Variants in DCC observed in about 807,000 individuals in gnomAD.
The protein encoded by DCC is DCC netrin 1 receptor, also known as netrin receptor DCC.
In DCC, 58 loss-of-function variants were observed where a neutral mutation model predicts 172.5. The observed-to-expected ratio is 0.34, with a 90% CI of 0.27 to 0.42. The LOEUF is 0.42. Ranked by LOEUF, DCC falls within the 10% of genes least tolerant of loss-of-function variation. The pLI, the probability that DCC is intolerant of heterozygous loss-of-function variation, is 1.00. For synonymous variants in DCC, 709 were observed against 644.5 expected (o/e 1.10, Z -1.52); for missense variants, 1,740 against 1,791.0 (o/e 0.97, Z 0.51).
chr18:53,478,468 T>C (rs1476696623), intron 25 of DCC, among the ~76,000 whole-genome samples: 3 of 152,204 alleles, frequency 2.0e-5, no homozygotes, highest in African/African-American at 7.2e-5. Context: ...GCAGATTAGC[T>C]GTAAGATCAT....
intron 5 of DCC, among the ~76,000 whole-genome samples, chr18:53,031,345 C>A (rs1274401513): frequency 1.3e-5 from 2 of 152,114 alleles, no homozygotes; most frequent in African/African-American, 4.8e-5. Context: ...ATATTGCAGT[C>A]TTGTTGCATT....
intron 15 of DCC, among the ~76,000 whole-genome samples, chr18:53,370,821 T>C (rs2144956487): frequency 6.6e-6 from 1 of 151,992 alleles, no homozygotes; most frequent in Middle Eastern, 3.4e-3. Context: ...GCTGTTGTTG[T>C]TAGAGTGTTC....
chr18:52,835,284 A>G (rs1488643120), intron 2 of DCC, among the ~76,000 whole-genome samples: 3 of 150,880 alleles, frequency 2.0e-5, no homozygotes, highest in Non-Finnish European at 4.4e-5. Context: ...TCCAAACACA[A>G]GAATAATTCA....
chr18:52,642,579 C>T (rs953784188), intron 1 of DCC, among the ~76,000 whole-genome samples: 5 of 151,808 alleles, frequency 3.3e-5, no homozygotes, highest in African/African-American at 4.8e-5. Context: ...AAATATGGCA[C>T]TCAGGAAATA....
chr18:53,151,299 C>G (rs1173851658), intron 7 of DCC, among the ~76,000 whole-genome samples: 2 of 152,176 alleles, frequency 1.3e-5, no homozygotes, highest in African/African-American at 4.8e-5. Flanking sequence ...TCTACCCAAA[C>G]TCTAGAATGG....
At chr18:53,377,704 GAGGT>G (rs958632985) in intron 15 of DCC, among the ~76,000 whole-genome samples, 8 of 152,206 alleles carry the variant, frequency 5.3e-5, no homozygotes, top group African/African-American at 1.7e-4. Context: ...TAAGGGATGG[GAGGT>G]AGTTAAAAGG....
intron 5 of DCC, among the ~76,000 whole-genome samples, chr18:53,032,509 T>C (rs2042039603): frequency 1.3e-5 from 2 of 152,200 alleles, no homozygotes; most frequent in Non-Finnish European, 2.9e-5. Flanking sequence ...TTTAGGTGCA[T>C]TGTCTTTCAT....
chr18:53,514,347 C>G (rs551982620), intron 27 of DCC, among the ~76,000 whole-genome samples: 1 of 152,124 alleles, frequency 6.6e-6, no homozygotes, highest in African/African-American at 2.4e-5. Context: ...CAAGAGAGAG[C>G]AGGAAAGATC....
intron 1 of DCC, among the ~76,000 whole-genome samples, chr18:52,579,423 G>T (rs773468538): frequency 1.3e-5 from 2 of 152,178 alleles, no homozygotes; most frequent in Non-Finnish European, 2.9e-5. Flanking sequence ...AAATGGCACA[G>T]CATAATATGC....
At chr18:52,459,769 C>T (rs1433878559) in intron 1 of DCC, among the ~76,000 whole-genome samples, 5 of 151,876 alleles carry the variant, frequency 3.3e-5, no homozygotes, top group Non-Finnish European at 7.4e-5. Flanking sequence ...GCGCCCAGGC[C>T]CAGTATTTGG....
intron 5 of DCC, among the ~76,000 whole-genome samples, chr18:52,975,211 G>T (rs2041097827): frequency 6.6e-6 from 1 of 152,174 alleles, no homozygotes; most frequent in Non-Finnish European, 1.5e-5. Context: ...AGATCAAGGT[G>T]CTGGCAAGGT....
At chr18:52,633,162 TGTCC>T (rs1466067141) in intron 1 of DCC, among the ~76,000 whole-genome samples, 1 of 152,090 alleles carries the variant, frequency 6.6e-6, no homozygotes, top group Non-Finnish European at 1.5e-5. Flanking sequence ...TGTCCTGTCC[TGTCC>T]TTCAATTGAA....
intron 1 of DCC, among the ~76,000 whole-genome samples, chr18:52,667,087 A>G (rs925991222): frequency 1.3e-5 from 2 of 152,150 alleles, no homozygotes; most frequent in African/African-American, 4.8e-5. Context: ...AAGGGAGGAT[A>G]TGGAATAGAG....
At chr18:52,858,493 G>A (rs185889935) in intron 2 of DCC, among the ~76,000 whole-genome samples, 160 of 152,296 alleles carry the variant, frequency 1.1e-3, no homozygotes, top group African/African-American at 3.7e-3. Flanking sequence ...AGGATATTAA[G>A]ACATATTACT....
rs368686972 is a variant in DCC at position 53,486,788 on chromosome 18, C to A, written c.3737-9C>A. ...GTTCAAAAAACCCATTAACCTTTTTCTTTTGCAGCTGTCGTGAGCGCCATC... is the reference window on the plus strand; with the variant it reads ...GTTCAAAAAACCCATTAACCTTTTTATTTTGCAGCTGTCGTGAGCGCCATC... On this transcript the variant is annotated splice_polypyrimidine_tract_variant and intron_variant, in intron 25 of 28. Transcript: ENST00000442544. 1 of 1,614,070 alleles carries A rather than the reference C, an allele frequency of 6.2e-7. No homozygotes were observed.
chr18:52,797,476 G>A (rs1309554391), intron 2 of DCC, among the ~76,000 whole-genome samples: 1 of 152,168 alleles, frequency 6.6e-6, no homozygotes, highest in Non-Finnish European at 1.5e-5. Flanking sequence ...ATTTTGGATG[G>A]GTATAGCAGT....
At chr18:53,439,498 G>A (rs960139546) in intron 22 of DCC, among the ~76,000 whole-genome samples, 1 of 152,162 alleles carries the variant, frequency 6.6e-6, no homozygotes, top group African/African-American at 2.4e-5. Flanking sequence ...ATTCTTCAAA[G>A]CATTGTAATA....
chr18:52,380,717 A>C, intron 1 of DCC, among the ~76,000 whole-genome samples: 1 of 152,130 alleles, frequency 6.6e-6, no homozygotes, highest in East Asian at 1.9e-4. Flanking sequence ...GCAAAACAGA[A>C]ACAACTGGTA....
chr18:53,042,505 T>C (rs567457444), intron 5 of DCC, among the ~76,000 whole-genome samples: 1 of 152,160 alleles, frequency 6.6e-6, no homozygotes, highest in Admixed American at 6.6e-5. Flanking sequence ...GGTATCAGGA[T>C]GATGCTGGCC....
Sources: allele counts gnomAD v4.1 joint callset (sites outside exome capture counted in the v4.1 genomes callset), GRCh38; gene constraint gnomAD v4.1.1; transcripts MANE v1.5; gene names NCBI Gene and HGNC (gene_info 2026-07-23, HGNC 2026-07-21).